TENM3: variants seen among roughly 807,000 people sequenced by gnomAD.
TENM3 encodes the protein teneurin-3.
In TENM3, 63 loss-of-function variants were observed where a neutral mutation model predicts 255.1. The ratio of observed to expected loss-of-function variants is 0.25; its 90% CI spans 0.20 to 0.30. TENM3 has a LOEUF of 0.30. TENM3 is among the 10% of genes least tolerant of loss of function. The pLI is 1.00. For synonymous variants in TENM3, 1,306 were observed against 1,322.3 expected (o/e 0.99, Z 0.27); for missense variants, 2,929 against 3,461.1 (o/e 0.85, Z 3.86).
At chr4:182,505,752 G>A (rs1402164281) in intron 3 of TENM3, among the ~76,000 whole-genome samples, 4 of 152,058 alleles carry the variant, frequency 2.6e-5, no homozygotes, top group African/African-American at 7.2e-5. Context: ...CACCACACCC[G>A]GCCTGCTTTT....
At chr4:181,499,064 C>T in the TENM3 span, among the ~76,000 whole-genome samples, 1 of 152,142 alleles carries the variant, frequency 6.6e-6, no homozygotes, top group Non-Finnish European at 1.5e-5. Context: ...GTTTTTAATG[C>T]TATTTCATCT....
the TENM3 span, among the ~76,000 whole-genome samples, chr4:181,928,476 G>A: frequency 6.6e-6 from 1 of 151,628 alleles, no homozygotes; most frequent in Admixed American, 6.6e-5. Context: ...AGACAAGATT[G>A]GAGAAAAAAG....
chr4:181,689,801 C>T, the TENM3 span, among the ~76,000 whole-genome samples: 44 of 152,240 alleles, frequency 2.9e-4, no homozygotes, highest in Non-Finnish European at 5.0e-4. Context: ...CTGAAGTGTG[C>T]TTTTCTTCTT....
chr4:182,556,821 A>G (rs954126092), intron 3 of TENM3, among the ~76,000 whole-genome samples: 1 of 152,230 alleles, frequency 6.6e-6, no homozygotes, highest in African/African-American at 2.4e-5. Flanking sequence ...AGAGAAAAGC[A>G]TACAAAAACA....
intron 1 of TENM3, among the ~76,000 whole-genome samples, chr4:182,323,420 TAA>T (rs11313091): frequency 0.065 from 8,433 of 130,252 alleles, 779 homozygotes; most frequent in African/African-American, 0.21. Flanking sequence ...TAAGATATAT[TAA>T]AAAAAAAAAA....
chr4:181,508,462 C>G, the TENM3 span, among the ~76,000 whole-genome samples: 1 of 152,184 alleles, frequency 6.6e-6, no homozygotes. Context: ...TGATGCCTTA[C>G]AAGCAGTATT....
the TENM3 span, among the ~76,000 whole-genome samples, chr4:181,960,919 G>A: frequency 9.2e-5 from 14 of 151,878 alleles, no homozygotes; most frequent in Non-Finnish European, 1.3e-4. Context: ...GAATACCACC[G>A]GCTGATCACA....
At chr4:182,650,885 AAAAAAT>A (rs1328420534) in intron 5 of TENM3, among the ~76,000 whole-genome samples, 1 of 29,168 alleles carries the variant, frequency 3.4e-5, no homozygotes, top group Admixed American at 4.3e-4. Context: ...CTGTAATAAA[AAAAAAT>A]ATATATATAT....
chr4:181,648,288 A>G, the TENM3 span, among the ~76,000 whole-genome samples: 1 of 152,160 alleles, frequency 6.6e-6, no homozygotes, highest in Non-Finnish European at 1.5e-5. Flanking sequence ...TAATCCCTCT[A>G]CTGCTGCAAA....
At chr4:182,365,769 A>G (rs1458177378) in intron 3 of TENM3, among the ~76,000 whole-genome samples, 1 of 152,204 alleles carries the variant, frequency 6.6e-6, no homozygotes, top group Non-Finnish European at 1.5e-5. Flanking sequence ...AGAGAAATGC[A>G]TCGTTGGACA....
chr4:181,600,814 TC>T, the TENM3 span, among the ~76,000 whole-genome samples: 15 of 151,224 alleles, frequency 9.9e-5, 1 homozygote, highest in Admixed American at 2.0e-4. Flanking sequence ...TTTCCAATTT[TC>T]AAGAAAATGT....
chr4:181,922,932 G>A, the TENM3 span, among the ~76,000 whole-genome samples: 1 of 152,052 alleles, frequency 6.6e-6, no homozygotes, highest in Non-Finnish European at 1.5e-5. Flanking sequence ...CTGGTATGTT[G>A]TGTCTTTGTT....
chr4:181,609,865 A>G, the TENM3 span, among the ~76,000 whole-genome samples: 3 of 152,352 alleles, frequency 2.0e-5, no homozygotes, highest in Non-Finnish European at 2.9e-5. Context: ...GAAATTCCAC[A>G]CTTTCAACAG....
At chr4:181,677,209 G>A in the TENM3 span, among the ~76,000 whole-genome samples, 3 of 152,004 alleles carry the variant, frequency 2.0e-5, no homozygotes, top group South Asian at 2.1e-4. Flanking sequence ...CTCCAGTTCC[G>A]ACGTCTGATG....
intron 1 of TENM3, chr4:182,169,508 AGAG>A (rs1751961762): frequency 3.7e-6 from 1 of 272,930 alleles, no homozygotes; most frequent in South Asian, 3.3e-5. Context: ...GGAGCTTTTT[AGAG>A]GAGAATTTAT....
intron 3 of TENM3, among the ~76,000 whole-genome samples, chr4:182,477,065 A>G (rs1295041109): frequency 6.6e-6 from 1 of 152,220 alleles, no homozygotes; most frequent in Non-Finnish European, 1.5e-5. Context: ...ATTTATTTCA[A>G]GGATTGTGCC....
chr4:181,772,405 TA>T, the TENM3 span, among the ~76,000 whole-genome samples: 3 of 151,972 alleles, frequency 2.0e-5, no homozygotes, highest in Non-Finnish European at 4.4e-5. Context: ...AATAATAATT[TA>T]AAAAATAGAA....
At chr4:182,622,430 T>C (rs1750383736) in intron 4 of TENM3, among the ~76,000 whole-genome samples, 1 of 152,196 alleles carries the variant, frequency 6.6e-6, no homozygotes, top group Non-Finnish European at 1.5e-5. Context: ...ATGTCTCAAG[T>C]TTTGGAAATT....
intron 4 of TENM3, among the ~76,000 whole-genome samples, chr4:182,625,742 G>A (rs1750758587): frequency 6.6e-6 from 1 of 152,164 alleles, no homozygotes; most frequent in African/African-American, 2.4e-5. Context: ...ATCTGTCCAA[G>A]CTTCACAAGA....
Sources: gnomAD v4.1 joint callset for allele counts (sites outside exome capture counted in the v4.1 genomes callset) on GRCh38, gnomAD v4.1.1 for gene constraint, MANE v1.5 for transcripts, NCBI Gene and HGNC (gene_info 2026-07-23, HGNC 2026-07-21) for gene names.